LRIG1: variants seen among roughly 807,000 people sequenced by gnomAD.
The protein encoded by LRIG1 is leucine rich repeats and immunoglobulin like domains 1, also known as leucine-rich repeats and immunoglobulin-like domains protein 1.
In LRIG1, 48 loss-of-function variants were observed where a neutral mutation model predicts 99.2. The observed-to-expected ratio is 0.48, with a 90% CI of 0.38 to 0.62. The LOEUF is 0.62. Ranked by LOEUF, LRIG1 falls within the 20% of genes least tolerant of loss-of-function variation. LRIG1 has a pLI of 0.00. For synonymous variants in LRIG1, 772 were observed against 596.1 expected (o/e 1.29, Z -4.30); for missense variants, 1,646 against 1,434.4 (o/e 1.15, Z -2.38).
intron 1 of LRIG1, among the ~76,000 whole-genome samples, chr3:66,463,755 A>G (rs1350632054): frequency 6.6e-6 from 1 of 152,266 alleles, no homozygotes; most frequent in Non-Finnish European, 1.5e-5. Context: ...CTGTCTCAGA[A>G]AGTGTCACGT....
In LRIG1 at chr3:66,500,400, C is replaced by A. The variant is rs748306860; in HGVS notation, c.8G>T (p.Arg3Leu). The change falls in exon 1 of 19, where the codon CGG (arginine) becomes CTG (leucine). Residue 3 changes from arginine (R) to leucine (L), a missense_variant. Arg to Leu is a moderately radical substitution (Grantham distance 102). Transcript: ENST00000273261. The stretch of plus-strand genomic sequence containing the variant: ...GGCCCCGAGCCCTCCCCGGACCGGC[C>A]GCGCCATCTTGTCTGGAGCGCGCTG... MA[R>L]PVRGGLGAPR... is the part of the protein sequence containing the mutation. 2 of 1,419,412 alleles carry A rather than the reference C, an allele frequency of 1.4e-6. No individual in the cohort carries two copies. The highest frequency in any genetic ancestry group is 5.6e-5 in the East Asian group (2 of 35,662). 87.9% of individuals were successfully genotyped at this position (1,419,412 alleles called of 1,614,324 possible).
intron 3 of LRIG1, among the ~76,000 whole-genome samples, chr3:66,434,926 C>T (rs1275942822): frequency 5.3e-5 from 8 of 152,062 alleles, no homozygotes; most frequent in Admixed American, 5.2e-4. Flanking sequence ...CAATTGCACT[C>T]CTGGGCATTT....
intron 8 of LRIG1, 41 bp downstream of exon 8, chr3:66,407,307 C>T: frequency 6.2e-7 from 1 of 1,612,284 alleles, no homozygotes; most frequent in Non-Finnish European, 8.5e-7. Context: ...CTGCTCTCCC[C>T]ACTGGGGACC....
At chr3:66,492,414 TG>T (rs2106927141) in intron 1 of LRIG1, among the ~76,000 whole-genome samples, 2 of 152,280 alleles carry the variant, frequency 1.3e-5, no homozygotes, top group African/African-American at 4.8e-5. Context: ...AGTTGTGAGT[TG>T]TTTTTTTTCT....
At chr3:66,393,581 C>G (rs1701711609) in intron 12 of LRIG1, among the ~76,000 whole-genome samples, 1 of 152,182 alleles carries the variant, frequency 6.6e-6, no homozygotes, top group Admixed American at 6.5e-5. Context: ...GGAGAAACAG[C>G]AAGAGTACAA....
intron 3 of LRIG1, 194 bp from the exon 4 acceptor site, chr3:66,417,460 T>A (rs1347016800): frequency 1.6e-6 from 1 of 615,370 alleles, no homozygotes; most frequent in African/African-American, 1.9e-5. Context: ...GGATTTTCAA[T>A]CTGGGACAAG....
chr3:66,462,409 A>G, intron 2 of LRIG1, 29 bp downstream of exon 2: 1 of 1,564,240 alleles, frequency 6.4e-7, no homozygotes, highest in Admixed American at 1.7e-5. Flanking sequence ...CCATCCTTCC[A>G]TCCACCAGAG....
In LRIG1 at chr3:66,400,738, G is replaced by T; in HGVS notation, c.1161-1697C>A. ...CAGCCCCTTCCTGAAAGGAGGAAAA[G>T]AAAGGAAATATAAGCCCTGAAGCAA... is the stretch of plus-strand genomic sequence containing the variant. On this transcript the variant is annotated intron_variant, in intron 9 of 18. Transcript: ENST00000273261. Among the ~76,000 whole-genome samples, 2 of 152,200 alleles carry T rather than the reference G, an allele frequency of 1.3e-5. 1 individual carries two copies.
chr3:66,475,476 A>T lies in LRIG1; in HGVS notation c.219-12967T>A, dbSNP rs115654498. Among the ~76,000 whole-genome samples the T allele has an allele frequency of 5.2e-3, 785 of 152,286 alleles. 13 individuals are homozygous for T. In the East Asian group the frequency reaches 0.068, roughly 13 times the overall value. ...ACCTGTACTCCAGCTAAGTCTCCCCAAACTGGCTTTCCTTTCTCCTTACTC... is the reference window on the plus strand; with the variant it reads ...ACCTGTACTCCAGCTAAGTCTCCCCTAACTGGCTTTCCTTTCTCCTTACTC... On this transcript the variant is annotated intron_variant, in intron 1 of 18. Transcript: ENST00000273261.
At chr3:66,410,658 C>T (rs1398486717) in intron 6 of LRIG1, among the ~76,000 whole-genome samples, 1 of 152,108 alleles carries the variant, frequency 6.6e-6, no homozygotes, top group Admixed American at 6.5e-5. Flanking sequence ...GGCAATATAG[C>T]GAAACCCCAT....
At chr3:66,390,749 T>G (rs1701585222) in intron 12 of LRIG1, among the ~76,000 whole-genome samples, 1 of 152,176 alleles carries the variant, frequency 6.6e-6, no homozygotes, top group African/African-American at 2.4e-5. Context: ...TGTGACCTTA[T>G]CTCAGGCAAA....
chr3:66,380,227 A>C lies in LRIG1; in HGVS notation c.*36T>G. The C allele has an allele frequency of 6.4e-4, 957 of 1,500,044 alleles. No individual in the cohort carries two copies. Among genetic ancestry groups the C allele is most frequent in the Non-Finnish European group, 8.1e-4 (883 of 1,089,852 alleles). The allele number at this position is 1,500,044 out of a possible 1,614,324, so 92.9% of individuals were successfully genotyped here. Reference sequence around the variant, plus strand: ...AGCCTCTCCTACCTCTCTTTCCCGTAGAGATTGGTATGACAAGAACTGAGG... The same window carrying C: ...AGCCTCTCCTACCTCTCTTTCCCGTCGAGATTGGTATGACAAGAACTGAGG... On this transcript the variant is annotated 3_prime_UTR_variant, in exon 19 of 19. Transcript: ENST00000273261.
intron 1 of LRIG1, among the ~76,000 whole-genome samples, chr3:66,490,066 G>T (rs1035659665): frequency 2.0e-5 from 3 of 152,170 alleles, no homozygotes; most frequent in African/African-American, 4.8e-5. Context: ...TCATTTCTAA[G>T]TATTGTTTCA....
chr3:66,477,959 T>G (rs538683807), intron 1 of LRIG1, among the ~76,000 whole-genome samples: 3 of 152,280 alleles, frequency 2.0e-5, no homozygotes, highest in Admixed American at 2.0e-4. Context: ...ATGAGTTAGC[T>G]GCAAAGCCAT....
At chr3:66,394,273 A>C (rs17775391) in intron 11 of LRIG1, 70 bp from the exon 12 acceptor site, 391,109 of 1,330,136 alleles carry the variant, frequency 0.29, 63,010 homozygotes, top group East Asian at 0.74. Context: ...CACACACACA[A>C]TGATCAGTCG....
At chr3:66,407,908 G>A (rs1480674840) in intron 7 of LRIG1, among the ~76,000 whole-genome samples, 1 of 152,150 alleles carries the variant, frequency 6.6e-6, no homozygotes, top group Non-Finnish European at 1.5e-5. Flanking sequence ...GCAAGCCAGG[G>A]AGCCCCAGTC....
chr3:66,455,131 C>T (rs1301803172), intron 2 of LRIG1, among the ~76,000 whole-genome samples: 3 of 152,048 alleles, frequency 2.0e-5, no homozygotes, highest in Admixed American at 2.0e-4. Flanking sequence ...TTTTAGTAGA[C>T]ACGGGGTTTC....
chr3:66,464,842 G>C (rs1361308742), intron 1 of LRIG1, among the ~76,000 whole-genome samples: 2 of 152,186 alleles, frequency 1.3e-5, no homozygotes, highest in Non-Finnish European at 2.9e-5. Flanking sequence ...CAGACAAAAT[G>C]TATTCACATT....
At chr3:66,410,510 A>G (rs900333823) in intron 6 of LRIG1, among the ~76,000 whole-genome samples, 1 of 152,232 alleles carries the variant, frequency 6.6e-6, no homozygotes, top group African/African-American at 2.4e-5. Flanking sequence ...TCATAGGGCA[A>G]GAGGGAGCTT....
Sources: gnomAD v4.1 joint callset for allele counts (sites outside exome capture counted in the v4.1 genomes callset) on GRCh38, gnomAD v4.1.1 for gene constraint, MANE v1.5 for transcripts, NCBI Gene and HGNC (gene_info 2026-07-23, HGNC 2026-07-21) for gene names.